Variants in SWT1 observed in about 807,000 individuals in gnomAD.
SWT1 encodes transcriptional protein SWT1.
Under a neutral mutation model 107.3 loss-of-function variants are expected in SWT1, and 33 were observed. That is an observed-to-expected ratio of 0.31 (90% CI 0.23 to 0.41). The LOEUF (loss-of-function observed/expected upper bound fraction) is 0.41, where lower values mean the gene tolerates loss of function less well. Ranked by LOEUF, SWT1 falls within the 10% of genes least tolerant of loss-of-function variation. The pLI is 1.00. For missense variants in SWT1, 898 were observed against 1,028.9 expected (o/e 0.87, Z 1.74); for synonymous variants, 345 against 348.3 (o/e 0.99, Z 0.11).
intron 16 of SWT1, among the ~76,000 whole-genome samples, chr1:185,236,529 A>G (rs1660889571): frequency 6.6e-6 from 1 of 152,246 alleles, no homozygotes; most frequent in African/African-American, 2.4e-5. Context: ...CAGAAAGCTG[A>G]AACTGGATTC....
At chr1:185,176,938 C>G (rs1032484808) in intron 5 of SWT1, 1 of 687,300 alleles carries the variant, frequency 1.5e-6, no homozygotes, top group Non-Finnish European at 1.8e-6. Context: ...GAGCCAAGAT[C>G]GCGCCACTGC....
chr1:185,179,520 G>A, intron 5 of SWT1, among the ~76,000 whole-genome samples: 1 of 152,100 alleles, frequency 6.6e-6, no homozygotes, highest in East Asian at 1.9e-4. Flanking sequence ...GAAACCCCTG[G>A]TGCTCTAACT....
At chr1:185,202,407 G>C (rs1454622664) in intron 10 of SWT1, among the ~76,000 whole-genome samples, 2 of 152,024 alleles carry the variant, frequency 1.3e-5, no homozygotes, top group Non-Finnish European at 2.9e-5. Flanking sequence ...TGGGGGTAAA[G>C]TTAATACTAC....
Position 185,276,623 on chromosome 1 carries a change from T to A in SWT1, c.2528T>A (p.Phe843Tyr). 1 of 1,583,254 alleles carries A rather than the reference T, an allele frequency of 6.3e-7. No individual in the cohort carries two copies. The highest frequency in any genetic ancestry group is 8.6e-7 in the Non-Finnish European group (1 of 1,157,346). Residue 843 changes from phenylalanine (F) to tyrosine (Y), a missense_variant, in exon 18 of 19, where the codon TTT becomes TAT. Phe to Tyr is a conservative substitution (Grantham distance 22). Around this residue, in one of 6 missense-constraint regions of SWT1, gnomAD observed 382 missense variants for 460.0 expected, o/e 0.83. Coordinates refer to ENST00000367500, the MANE Select transcript of SWT1 (RefSeq NM_017673.7). ...TTTCAGGTAAATAAAAATGTCAAAT[T>A]TACTGCCCAGGAAATTTATGATTGT... ...IKYEVNKNVK[F>Y]TAQEIYDCVS...
At chr1:185,197,620 G>C (rs1410939776) in intron 10 of SWT1, among the ~76,000 whole-genome samples, 1 of 152,118 alleles carries the variant, frequency 6.6e-6, no homozygotes, top group Non-Finnish European at 1.5e-5. Flanking sequence ...ATTAATTGCT[G>C]CCTCAATTTC....
chr1:185,269,429 G>A (rs1379458864), intron 16 of SWT1, among the ~76,000 whole-genome samples: 3 of 125,034 alleles, frequency 2.4e-5, no homozygotes, highest in Non-Finnish European at 4.9e-5. Context: ...CTTTTTCTAT[G>A]AAATAGTATT....
chr1:185,289,558 C>A (rs185533903), intron 18 of SWT1, among the ~76,000 whole-genome samples: 1 of 152,232 alleles, frequency 6.6e-6, no homozygotes, highest in African/African-American at 2.4e-5. Flanking sequence ...ATCTGCACTC[C>A]AATGTTCATT....
intron 15 of SWT1, among the ~76,000 whole-genome samples, chr1:185,224,490 T>TG (rs1239159946): frequency 3.3e-5 from 5 of 151,222 alleles, no homozygotes; most frequent in African/African-American, 1.2e-4. Flanking sequence ...GTGAAATTTA[T>TG]GATTTTTTTT....
intron 11 of SWT1, among the ~76,000 whole-genome samples, chr1:185,203,575 T>A (rs1318764424): frequency 6.6e-6 from 1 of 151,246 alleles, no homozygotes; most frequent in African/African-American, 2.4e-5. Flanking sequence ...GAGCCGAGAT[T>A]GTGCCATCGT....
chr1:185,186,839 C>T (rs1479552565), intron 9 of SWT1, among the ~76,000 whole-genome samples: 1 of 151,756 alleles, frequency 6.6e-6, no homozygotes, highest in Non-Finnish European at 1.5e-5. Context: ...ACTGCAACCT[C>T]CACCTCCCGG....
chr1:185,276,570 A>G (rs1425344970), intron 17 of SWT1, 34 bp from the exon 18 acceptor site: 1 of 1,315,586 alleles, frequency 7.6e-7, no homozygotes, highest in South Asian at 1.3e-5. Context: ...ACTTTAATAT[A>G]TATTTTTAAT....
intron 18 of SWT1, among the ~76,000 whole-genome samples, chr1:185,286,865 T>C (rs750632063): frequency 1.3e-4 from 20 of 152,228 alleles, no homozygotes; most frequent in Non-Finnish European, 2.8e-4. Context: ...TTGTACAAAA[T>C]GGTACAAAGT....
At chr1:185,188,315 A>G (rs764828033) in intron 9 of SWT1, among the ~76,000 whole-genome samples, 4 of 152,206 alleles carry the variant, frequency 2.6e-5, no homozygotes, top group Non-Finnish European at 5.9e-5. Context: ...GATAATCTTG[A>G]GTTTGATACT....
intron 17 of SWT1, among the ~76,000 whole-genome samples, chr1:185,273,026 C>G (rs1663986486): frequency 1.3e-5 from 2 of 150,956 alleles, no homozygotes; most frequent in African/African-American, 2.4e-5. Context: ...GAGCAAGACC[C>G]TGTCTCAAAA....
chr1:185,178,997 G>A (rs975370395), intron 5 of SWT1, among the ~76,000 whole-genome samples: 2 of 152,120 alleles, frequency 1.3e-5, no homozygotes, highest in African/African-American at 2.4e-5. Flanking sequence ...TTGTGTGGGC[G>A]CAGTGGCTCG....
rs1361081208 is a variant in SWT1, at chr1:185,202,656, A to G, written c.1526A>G (p.Asp509Gly). The change falls in exon 11 of 19, where the codon GAT (aspartate) becomes GGT (glycine). Residue 509 changes from aspartate (D) to glycine (G), a missense_variant and splice_region_variant. Coordinates refer to ENST00000367500, the MANE Select transcript of SWT1 (RefSeq NM_017673.7). ...TAATCCCAACCTCCCAACCTTAGGG[A>G]TGATAGAAACTTAAGAAACAAAGGC... ...FPCSFVILCT[D>G]DRNLRNKGLI... The G allele has an allele frequency of 5.6e-6, 9 of 1,606,224 alleles. No homozygotes were observed. The highest frequency in any genetic ancestry group is 7.6e-6 in the Non-Finnish European group (9 of 1,176,822).
intron 18 of SWT1, among the ~76,000 whole-genome samples, chr1:185,288,626 A>C (rs1305745335): frequency 6.6e-6 from 1 of 152,136 alleles, no homozygotes; most frequent in Non-Finnish European, 1.5e-5. Flanking sequence ...CTATCTCAGA[A>C]GCCAAGGAAG....
intron 18 of SWT1, chr1:185,280,896 G>C: frequency 2.1e-6 from 1 of 475,910 alleles, no homozygotes. Flanking sequence ...TTGCTTCTCA[G>C]TGTGGTGGAT....
rs1419234390 is a variant in SWT1, at chr1:185,253,401, C to A, written c.2442-17922C>A. Among the ~76,000 whole-genome samples the A allele has an allele frequency of 2.0e-5, 3 of 148,120 alleles. No individual in the cohort carries two copies. In the East Asian group the frequency reaches 6.0e-4, roughly 30 times the overall value. On this transcript the variant is annotated intron_variant, in intron 16 of 18. Transcript: ENST00000367500. ...TATGGCCATTTTCACAATATTGATT[C>A]TTCCTATCCATGAGCATGGAATGTT...
Sources: allele counts gnomAD v4.1 joint callset (sites outside exome capture counted in the v4.1 genomes callset), GRCh38; gene constraint gnomAD v4.1.1; regional missense constraint gnomAD v4.1.1; transcripts MANE v1.5; gene names NCBI Gene and HGNC (gene_info 2026-07-23, HGNC 2026-07-21).